CNTNAP2: variants seen among roughly 807,000 people sequenced by gnomAD.
CNTNAP2 encodes the protein contactin associated protein 2.
A neutral mutation model predicts 155.2 loss-of-function variants in CNTNAP2; 98 were observed. The observed-to-expected ratio is 0.63, with a 90% CI of 0.54 to 0.75. The LOEUF is 0.75. Among genes scored for constraint, CNTNAP2 ranks in the 30% least tolerant of loss-of-function variants. CNTNAP2 has a pLI of 0.00. For missense variants in CNTNAP2, 1,727 were observed against 1,688.1 expected (o/e 1.02, Z -0.40); for synonymous variants, 651 against 631.2 (o/e 1.03, Z -0.47).
At chr7:146,476,246 A>C (rs1383809115) in intron 1 of CNTNAP2, among the ~76,000 whole-genome samples, 1 of 152,158 alleles carries the variant, frequency 6.6e-6, no homozygotes, top group Non-Finnish European at 1.5e-5. Context: ...GTAGGTTGTC[A>C]ATGTCTATTG....
chr7:148,236,808 T>A (rs924580383), intron 20 of CNTNAP2, among the ~76,000 whole-genome samples: 1 of 152,222 alleles, frequency 6.6e-6, no homozygotes, highest in Non-Finnish European at 1.5e-5. Context: ...AAAGTAGGCT[T>A]GTCTTACATG....
intron 12 of CNTNAP2, among the ~76,000 whole-genome samples, chr7:147,632,641 A>G (rs1276742582): frequency 6.6e-6 from 1 of 152,168 alleles, no homozygotes; most frequent in Non-Finnish European, 1.5e-5. Context: ...GTGAGAACAG[A>G]CTAATACAGT....
At chr7:147,243,940 A>G (rs1211435649) in intron 8 of CNTNAP2, among the ~76,000 whole-genome samples, 2 of 152,204 alleles carry the variant, frequency 1.3e-5, no homozygotes, top group African/African-American at 4.8e-5. Flanking sequence ...ATAAAAATAA[A>G]TAGGTCTTAT....
chr7:147,541,300 T>C (rs1799634271), intron 11 of CNTNAP2, among the ~76,000 whole-genome samples: 1 of 152,198 alleles, frequency 6.6e-6, no homozygotes, highest in Admixed American at 6.5e-5. Flanking sequence ...TCCATAGCCT[T>C]CTGTTACTTT....
chr7:146,591,420 A>AC (rs371416394), intron 1 of CNTNAP2, among the ~76,000 whole-genome samples: 125,802 of 151,750 alleles, frequency 0.83, 52,776 homozygotes, highest in African/African-American at 0.9. Flanking sequence ...ATAATAATTG[A>AC]GAAATGTAAA....
At chr7:147,446,332 T>A (rs1797739680) in intron 10 of CNTNAP2, among the ~76,000 whole-genome samples, 1 of 152,110 alleles carries the variant, frequency 6.6e-6, no homozygotes, top group Non-Finnish European at 1.5e-5. Context: ...TTCCTGCAAA[T>A]GAAATGAATC....
rs1309525715 is a variant in CNTNAP2, at chr7:146,601,354, T to C, written c.98-172917T>C. ...GTGTGAAGAATTTTTATAATTGCTG[T>C]GCCTACAGTGAAAATGGCTATTTTG... On this transcript the variant is annotated intron_variant, in intron 1 of 23. Transcript: ENST00000361727. Among the ~76,000 whole-genome samples the C allele has an allele frequency of 3.3e-5, 5 of 152,234 alleles. No individual in the cohort carries two copies. The East Asian group carries it at 7.7e-4, about 24-fold the overall frequency.
intron 13 of CNTNAP2, among the ~76,000 whole-genome samples, chr7:147,721,746 A>G (rs1796570983): frequency 6.6e-6 from 1 of 152,206 alleles, no homozygotes; most frequent in South Asian, 2.1e-4. Context: ...AAATTCAGGT[A>G]TTAATTAAAA....
intron 4 of CNTNAP2, among the ~76,000 whole-genome samples, chr7:147,073,353 T>C (rs567869058): frequency 1.1e-4 from 17 of 150,794 alleles, no homozygotes; most frequent in Admixed American, 3.3e-4. Flanking sequence ...TGTTCTCGCT[T>C]GTAAGTGGCA....
chr7:146,426,210 A>AAAAAG (rs1796086835), intron 1 of CNTNAP2, among the ~76,000 whole-genome samples: 1 of 144,320 alleles, frequency 6.9e-6, no homozygotes, highest in Non-Finnish European at 1.5e-5. Context: ...AAAAAAAAAA[A>AAAAAG]TTAAAACTTA....
chr7:148,415,390 C>T lies in CNTNAP2; in HGVS notation c.3797-27C>T, dbSNP rs764752251. ...GAGGGACTCCCAAGCCCTGTCTAAC[C>T]TCTCGTGCTTCTCCTTTCTCCGTCA... On this transcript the variant is annotated intron_variant, in intron 23 of 23. Coordinates refer to ENST00000361727, the MANE Select transcript of CNTNAP2 (RefSeq NM_014141.6). 8 of 1,610,186 alleles carry T rather than the reference C, an allele frequency of 5.0e-6. No individual in the cohort carries two copies. In the Admixed American group the frequency reaches 1.0e-4, roughly 20 times the overall value.
intron 1 of CNTNAP2, among the ~76,000 whole-genome samples, chr7:146,611,472 G>GAAGA (rs1799135584): frequency 6.6e-6 from 1 of 152,028 alleles, no homozygotes; most frequent in Non-Finnish European, 1.5e-5. Context: ...AAATGCTGTA[G>GAAGA]AAGAAAAAAA....
At chr7:147,965,849 G>A (rs994595635) in intron 14 of CNTNAP2, among the ~76,000 whole-genome samples, 4 of 152,104 alleles carry the variant, frequency 2.6e-5, no homozygotes, top group African/African-American at 9.7e-5. Flanking sequence ...ACCCTGAAGA[G>A]TAAGTACTTT....
At chr7:147,340,057 C>T (rs1055655589) in intron 9 of CNTNAP2, among the ~76,000 whole-genome samples, 3 of 152,174 alleles carry the variant, frequency 2.0e-5, no homozygotes, top group Non-Finnish European at 4.4e-5. Context: ...CTGATTCCAC[C>T]CTTTCTGTTT....
At chr7:147,920,506 C>T (rs1179236160) in intron 14 of CNTNAP2, among the ~76,000 whole-genome samples, 2 of 152,186 alleles carry the variant, frequency 1.3e-5, no homozygotes, top group Non-Finnish European at 2.9e-5. Context: ...CCAGCTCTAC[C>T]AGTGAAGGAC....
chr7:147,012,308 G>C (rs142042664), intron 3 of CNTNAP2, among the ~76,000 whole-genome samples: 1 of 152,106 alleles, frequency 6.6e-6, no homozygotes, highest in Non-Finnish European at 1.5e-5. Context: ...GCATATTCTT[G>C]TTTGTAGAAA....
intron 11 of CNTNAP2, among the ~76,000 whole-genome samples, chr7:147,531,833 G>T (rs1343518660): frequency 7.2e-6 from 1 of 138,408 alleles, no homozygotes; most frequent in Non-Finnish European, 1.5e-5. Flanking sequence ...CCGAGACAAA[G>T]TCTCACTCTG....
At chr7:146,463,142 A>G (rs1263918700) in intron 1 of CNTNAP2, among the ~76,000 whole-genome samples, 1 of 152,152 alleles carries the variant, frequency 6.6e-6, no homozygotes, top group Non-Finnish European at 1.5e-5. Flanking sequence ...ATAAAAACTT[A>G]AGACAGAAAT....
intron 18 of CNTNAP2, among the ~76,000 whole-genome samples, chr7:148,209,298 CTT>C (rs11371612): frequency 0.14 from 18,883 of 130,372 alleles, 1,647 homozygotes; most frequent in South Asian, 0.2. Context: ...TCTTTTCTTC[CTT>C]TTTTTTTTTT....
Sources: allele counts gnomAD v4.1 joint callset (sites outside exome capture counted in the v4.1 genomes callset), GRCh38; gene constraint gnomAD v4.1.1; transcripts MANE v1.5; gene names NCBI Gene and HGNC (gene_info 2026-07-23, HGNC 2026-07-21).